OSBPL8: variants seen among roughly 807,000 people sequenced by gnomAD.
OSBPL8 encodes the protein oxysterol-binding protein-related protein 8.
Under a neutral mutation model 125.5 loss-of-function variants are expected in OSBPL8, and 59 were observed. The observed-to-expected ratio is 0.47, with a 90% CI of 0.38 to 0.58. The LOEUF (loss-of-function observed/expected upper bound fraction) is 0.58. OSBPL8 is among the 20% of genes least tolerant of loss of function. OSBPL8 has a pLI of 0.00. For synonymous variants in OSBPL8, 330 were observed against 338.9 expected (o/e 0.97, Z 0.29); for missense variants, 758 against 1,047.8 (o/e 0.72, Z 3.82).
chr12:76,406,648 C>T (rs1327642852), intron 5 of OSBPL8, among the ~76,000 whole-genome samples: 6 of 152,202 alleles, frequency 3.9e-5, no homozygotes, highest in Non-Finnish European at 5.9e-5. Flanking sequence ...ATGGGTCTCA[C>T]TCTGTCACCC....
At position 76,399,859 on chromosome 12, in the gene OSBPL8, C is replaced by T; in HGVS notation, c.468+14G>A. 6.3e-7 allele frequency: 1 copy of T among 1,576,084 alleles called. No homozygotes were observed. On this transcript the variant is annotated intron_variant, in intron 7 of 23. Coordinates refer to ENST00000261183, the MANE Select transcript of OSBPL8 (RefSeq NM_020841.5). ...CATCCAGCAATCTGAATTCATGATT[C>T]AAAACACACTGACCTTTAACCAATC...
chr12:76,457,262 C>A (rs1002073542), intron 3 of OSBPL8, among the ~76,000 whole-genome samples: 3 of 152,114 alleles, frequency 2.0e-5, no homozygotes, highest in Non-Finnish European at 2.9e-5. Context: ...TATGTAGTTA[C>A]GATTTAATAT....
chr12:76,355,535 G>A lies in OSBPL8; in HGVS notation c.*354C>T, dbSNP rs1235952729. On this transcript the variant is annotated 3_prime_UTR_variant, in exon 24 of 24. Transcript: ENST00000261183. The stretch of plus-strand genomic sequence containing the variant: ...GATAGCATTTTTTGTTATGAACAAT[G>A]TTAACATTATATCTCAGAACATACT... 1.3e-5 allele frequency: 2 copies of A among 159,274 alleles called. No individual in the cohort carries two copies. 9.9% of individuals were successfully genotyped at this position (159,274 alleles called of 1,614,324 possible). A position where few individuals can be genotyped will look rare whatever the true frequency, so the allele number is the denominator to read the frequency against.
intron 1 of OSBPL8, among the ~76,000 whole-genome samples, chr12:76,529,665 G>C (rs140787446): frequency 1.2e-4 from 19 of 152,130 alleles, no homozygotes; most frequent in Middle Eastern, 3.2e-3. Flanking sequence ...GAAGACTCGA[G>C]ATAAGAATAG....
intron 1 of OSBPL8, among the ~76,000 whole-genome samples, chr12:76,501,079 A>G (rs551083323): frequency 4.8e-4 from 67 of 138,668 alleles, no homozygotes; most frequent in Non-Finnish European, 9.2e-4. Flanking sequence ...GAGTAATTGT[A>G]TGTGTGTGTA....
At chr12:76,509,873 G>A (rs1231371897) in intron 1 of OSBPL8, among the ~76,000 whole-genome samples, 1 of 152,054 alleles carries the variant, frequency 6.6e-6, no homozygotes, top group Non-Finnish European at 1.5e-5. Context: ...AAAAAGCACA[G>A]TAAGTTACCT....
At chr12:76,388,615 A>G (rs1953423380) in intron 12 of OSBPL8, among the ~76,000 whole-genome samples, 1 of 152,204 alleles carries the variant, frequency 6.6e-6, no homozygotes, top group Non-Finnish European at 1.5e-5. Context: ...ATAACTTACT[A>G]TAATTCAAAT....
chr12:76,391,338 C>CA lies in OSBPL8; in HGVS notation c.930-682dup, dbSNP rs1381817467. Among the ~76,000 whole-genome samples the CA allele has an allele frequency of 4.3e-4, 66 of 151,960 alleles. 2 individuals carry two copies. The highest frequency in any genetic ancestry group is 1.5e-5 in the Non-Finnish European group (1 of 67,980). On this transcript the variant is annotated intron_variant, in intron 10 of 23. Coordinates refer to ENST00000261183, the MANE Select transcript of OSBPL8 (RefSeq NM_020841.5). ...CTATTCTCACTTAAAGTGATTAGGG[C>CA]AAAAAATCTGTACAAAAGGGGGAAA...
At chr12:76,480,321 T>C (rs1877333614) in intron 2 of OSBPL8, among the ~76,000 whole-genome samples, 1 of 152,198 alleles carries the variant, frequency 6.6e-6, no homozygotes, top group Non-Finnish European at 1.5e-5. Context: ...ATACGGACAG[T>C]AAATACTTAT....
At chr12:76,391,368 T>C (rs1344739489) in intron 10 of OSBPL8, among the ~76,000 whole-genome samples, 1 of 152,146 alleles carries the variant, frequency 6.6e-6, no homozygotes, top group African/African-American at 2.4e-5. Flanking sequence ...GGGAAAGTCT[T>C]GGAAAGAGGT....
At chr12:76,469,117 C>A (rs1284024551) in intron 2 of OSBPL8, among the ~76,000 whole-genome samples, 1 of 152,172 alleles carries the variant, frequency 6.6e-6, no homozygotes, top group African/African-American at 2.4e-5. Context: ...TTTTCTCTTT[C>A]TCCTCCCTCT....
chr12:76,363,670 A>G, intron 21 of OSBPL8, among the ~76,000 whole-genome samples: 1 of 152,202 alleles, frequency 6.6e-6, no homozygotes, highest in East Asian at 1.9e-4. Flanking sequence ...GGATCTAATT[A>G]AACTAAAGAG....
Position 76,355,978 on chromosome 12 carries a change from C to T in OSBPL8, c.2581G>A (p.Ala861Thr). The change falls in exon 24 of 24, where the codon GCC (alanine) becomes ACC (threonine). Residue 861 changes from alanine (A) to threonine (T), a missense_variant. Around this residue, in one of 3 missense-constraint regions of OSBPL8, gnomAD observed 572 missense variants for 762.0 expected, o/e 0.75. Transcript: ENST00000261183. ...LRNHLVSSTP[A>T]TDYFLQQKDY... Reference sequence around the variant, plus strand: ...TTTTGTTGCAGAAAATAATCCGTGGCCGGTGTGCTTGAAACTAAATGATTT... The same window carrying T: ...TTTTGTTGCAGAAAATAATCCGTGGTCGGTGTGCTTGAAACTAAATGATTT... 6.2e-7 allele frequency: 1 copy of T among 1,613,132 alleles called. No homozygotes were observed. The highest frequency in any genetic ancestry group is 8.5e-7 in the Non-Finnish European group (1 of 1,179,502).
intron 9 of OSBPL8, among the ~76,000 whole-genome samples, chr12:76,393,290 G>C (rs1433883605): frequency 6.6e-6 from 1 of 152,090 alleles, no homozygotes; most frequent in Non-Finnish European, 1.5e-5. Context: ...AAGTGAATTA[G>C]CAGAAAACTT....
intron 22 of OSBPL8, among the ~76,000 whole-genome samples, chr12:76,357,557 T>G (rs945008227): frequency 6.6e-6 from 1 of 152,206 alleles, no homozygotes; most frequent in East Asian, 1.9e-4. Context: ...CACACTGGTA[T>G]GCCACATGAC....
At chr12:76,492,066 T>C (rs1328777572) in intron 1 of OSBPL8, among the ~76,000 whole-genome samples, 3 of 151,902 alleles carry the variant, frequency 2.0e-5, no homozygotes, top group Non-Finnish European at 4.4e-5. Flanking sequence ...ATAAAAATAA[T>C]AAATTAATAA....
At chr12:76,477,738 T>G (rs1428411771) in intron 2 of OSBPL8, among the ~76,000 whole-genome samples, 1 of 152,172 alleles carries the variant, frequency 6.6e-6, no homozygotes, top group Admixed American at 6.5e-5. Flanking sequence ...TTATATCACA[T>G]GTACCACACT....
At position 76,450,999 on chromosome 12, in the gene OSBPL8, G is replaced by A. The variant is rs1326690775; in HGVS notation, c.80-11C>T. ...TGTTTGCTACAACAGCTCAAGGAAAGAAGGGAAAAATAATTAGTACTGAAG... is the reference window on the plus strand; with the variant it reads ...TGTTTGCTACAACAGCTCAAGGAAAAAAGGGAAAAATAATTAGTACTGAAG... On this transcript the variant is annotated splice_polypyrimidine_tract_variant and intron_variant, in intron 3 of 23. Coordinates refer to ENST00000261183, the MANE Select transcript of OSBPL8 (RefSeq NM_020841.5). The A allele has an allele frequency of 1.2e-5, 20 of 1,609,896 alleles. No homozygotes were observed. The highest frequency in any genetic ancestry group is 1.7e-5 in the Non-Finnish European group (20 of 1,178,534).
At chr12:76,382,831 C>T (rs1006071657) in intron 15 of OSBPL8, among the ~76,000 whole-genome samples, 3 of 152,070 alleles carry the variant, frequency 2.0e-5, no homozygotes, top group African/African-American at 7.2e-5. Context: ...TGCAGTGAGC[C>T]GAGATTGTGC....
Sources: allele counts gnomAD v4.1 joint callset (sites outside exome capture counted in the v4.1 genomes callset), GRCh38; gene constraint gnomAD v4.1.1; regional missense constraint gnomAD v4.1.1; transcripts MANE v1.5; gene names NCBI Gene and HGNC (gene_info 2026-07-23, HGNC 2026-07-21).